TRIM44: variants seen among roughly 807,000 people sequenced by gnomAD.
The protein encoded by TRIM44 is tripartite motif containing 44.
A neutral mutation model predicts 37.4 loss-of-function variants in TRIM44; 13 were observed. That is an observed-to-expected ratio of 0.35 (90% confidence interval 0.23 to 0.55). The LOEUF (loss-of-function observed/expected upper bound fraction) is 0.55. TRIM44 is among the 20% of genes least tolerant of loss of function. The probability of loss-of-function intolerance (pLI) is 0.89; values close to 1 mark genes in which losing one functional copy is unlikely to be tolerated. For missense variants in TRIM44, 426 were observed against 437.2 expected, an observed-to-expected ratio of 0.97 and a Z score of 0.23; for synonymous variants, 175 against 157.2, an observed-to-expected ratio of 1.11 and a Z score of -0.85.
Position 35,747,139 on chromosome 11 carries a change from A to G in TRIM44, c.1007+11694A>G, listed in dbSNP as rs1243772340. Among the ~76,000 whole-genome samples, 5 of 152,268 alleles carry G rather than the reference A, an allele frequency of 3.3e-5. No individual in the cohort carries two copies. In the South Asian group the frequency reaches 8.3e-4, roughly 25 times the overall value. The stretch of plus-strand genomic sequence containing the variant: ...ACAGCTGCCATTTTCTCCCACCTGT[A>G]CAGGTATTATTGTCTCTCATACAAA... On this transcript the variant is annotated intron_variant, in intron 4 of 4. Coordinates refer to ENST00000299413, the MANE Select transcript of TRIM44 (RefSeq NM_017583.6).
chr11:35,779,911 G>T (rs1463249309), intron 4 of TRIM44, among the ~76,000 whole-genome samples: 6 of 149,576 alleles, frequency 4.0e-5, no homozygotes, highest in African/African-American at 1.2e-4. Flanking sequence ...AGATCAGATG[G>T]CTATAGGTGT....
intron 4 of TRIM44, among the ~76,000 whole-genome samples, chr11:35,786,887 A>G (rs1032913481): frequency 6.6e-6 from 1 of 152,082 alleles, no homozygotes; most frequent in Non-Finnish European, 1.5e-5. Context: ...TTTAGAACCA[A>G]CTTTGCTTTT....
rs1851282729 is a variant in TRIM44, at chr11:35,662,790, C to T, written c.-322C>T. On this transcript the variant is annotated 5_prime_UTR_variant, in exon 1 of 5. Transcript: ENST00000299413. ...CGCGGGGGCCGGCGGCTGCCGCGAT[C>T]TCTCCCTGGTAGCGGGAGGCTGAGC... The T allele has an allele frequency of 4.3e-6, 1 of 230,412 alleles. No individual in the cohort carries two copies. Among genetic ancestry groups the T allele is most frequent in the Non-Finnish European group, 8.3e-6 (1 of 120,112 alleles). 14.3% of individuals were successfully genotyped at this position (230,412 alleles called of 1,614,324 possible). A position where few individuals can be genotyped will look rare whatever the true frequency, so the allele number is the denominator to read the frequency against.
At chr11:35,785,322 G>T (rs1489166897) in intron 4 of TRIM44, among the ~76,000 whole-genome samples, 2 of 152,216 alleles carry the variant, frequency 1.3e-5, no homozygotes, top group East Asian at 3.8e-4. Context: ...CTCAGGGGTG[G>T]TGATTCAAAG....
chr11:35,765,645 A>G (rs1159126074), intron 4 of TRIM44, among the ~76,000 whole-genome samples: 2 of 152,190 alleles, frequency 1.3e-5, no homozygotes, highest in African/African-American at 4.8e-5. Flanking sequence ...TTTTGCCAGC[A>G]TTTATCCTTC....
intron 4 of TRIM44, among the ~76,000 whole-genome samples, chr11:35,760,168 T>G (rs1852703265): frequency 6.6e-6 from 1 of 152,214 alleles, no homozygotes; most frequent in Non-Finnish European, 1.5e-5. Flanking sequence ...GCCGCTTTGT[T>G]TACCTACTCA....
chr11:35,741,395 C>T (rs1377052574), intron 4 of TRIM44, among the ~76,000 whole-genome samples: 1 of 152,082 alleles, frequency 6.6e-6, no homozygotes, highest in Admixed American at 6.5e-5. Flanking sequence ...GAAATTTGCC[C>T]GTAAGAGTCA....
chr11:35,764,756 G>A (rs1321030063), intron 4 of TRIM44, among the ~76,000 whole-genome samples: 1 of 152,098 alleles, frequency 6.6e-6, no homozygotes, highest in Non-Finnish European at 1.5e-5. Context: ...CCATCAACCA[G>A]TATATGCTTG....
intron 4 of TRIM44, among the ~76,000 whole-genome samples, chr11:35,795,103 C>T (rs927847733): frequency 2.4e-4 from 37 of 152,108 alleles, no homozygotes; most frequent in African/African-American, 8.9e-4. Context: ...AAGCACAAGC[C>T]TTAAGGCACA....
intron 2 of TRIM44, among the ~76,000 whole-genome samples, chr11:35,723,825 A>T (rs1265385626): frequency 7.2e-5 from 11 of 152,200 alleles, no homozygotes; most frequent in Non-Finnish European, 1.6e-4. Context: ...TCCATCCCTT[A>T]GTGAAAAGGT....
At position 35,732,680 on chromosome 11, in the gene TRIM44, T is replaced by C. The variant is rs191978432; in HGVS notation, c.988-2746T>C. ...GGGAGAAAGGAGGAGGATTAACTTA[T>C]TCAAGATGTTAGTGAAGAAGTTTCG... On this transcript the variant is annotated intron_variant, in intron 3 of 4. Coordinates refer to ENST00000299413, the MANE Select transcript of TRIM44 (RefSeq NM_017583.6). Among the ~76,000 whole-genome samples the C allele has an allele frequency of 7.9e-5, 12 of 152,282 alleles. No individual in the cohort carries two copies. The East Asian group carries it at 1.9e-3, about 24-fold the overall frequency.
chr11:35,738,587 CCA>C (rs1852354517), intron 4 of TRIM44, among the ~76,000 whole-genome samples: 1 of 152,156 alleles, frequency 6.6e-6, no homozygotes, highest in African/African-American at 2.4e-5. Flanking sequence ...TATTAAACTA[CCA>C]TTTGGCTCAA....
At chr11:35,767,152 G>A (rs1215846812) in intron 4 of TRIM44, among the ~76,000 whole-genome samples, 2 of 152,178 alleles carry the variant, frequency 1.3e-5, no homozygotes, top group African/African-American at 4.8e-5. Flanking sequence ...ATCAATGTGT[G>A]TGTGTCAGTA....
chr11:35,725,041 G>A (rs1590544493), intron 2 of TRIM44, among the ~76,000 whole-genome samples: 1 of 147,334 alleles, frequency 6.8e-6, no homozygotes, highest in Non-Finnish European at 1.5e-5. Flanking sequence ...AGAGAGGAAT[G>A]GTTAACTAGG....
chr11:35,762,131 T>G (rs1231689531), intron 4 of TRIM44, among the ~76,000 whole-genome samples: 1 of 152,226 alleles, frequency 6.6e-6, no homozygotes, highest in South Asian at 2.1e-4. Context: ...CCGTGCAGGC[T>G]GCTCTCTGGA....
intron 2 of TRIM44, among the ~76,000 whole-genome samples, chr11:35,710,604 G>A (rs1208513002): frequency 1.3e-5 from 2 of 152,116 alleles, no homozygotes; most frequent in Non-Finnish European, 2.9e-5. Flanking sequence ...AGTAAACAAA[G>A]GTAAAGTTTA....
chr11:35,740,142 A>AT (rs57692958), intron 4 of TRIM44, among the ~76,000 whole-genome samples: 2,979 of 126,750 alleles, frequency 0.024, 58 homozygotes, highest in African/African-American at 0.052. Context: ...GCCCAGAGTG[A>AT]TTTTTTTTTT....
intron 3 of TRIM44, among the ~76,000 whole-genome samples, chr11:35,731,224 TA>T (rs1486248825): frequency 1.3e-5 from 2 of 152,210 alleles, no homozygotes; most frequent in African/African-American, 4.8e-5. Flanking sequence ...ATGTTTTTTG[TA>T]GATGCCTTTT....
chr11:35,741,927 A>G (rs1852402272), intron 4 of TRIM44, among the ~76,000 whole-genome samples: 1 of 152,098 alleles, frequency 6.6e-6, no homozygotes, highest in African/African-American at 2.4e-5. Flanking sequence ...AATTTTATCT[A>G]TCTATCTATT....
Sources: gnomAD v4.1 joint callset for allele counts (sites outside exome capture counted in the v4.1 genomes callset) on GRCh38, gnomAD v4.1.1 for gene constraint, MANE v1.5 for transcripts, NCBI Gene and HGNC (gene_info 2026-07-23, HGNC 2026-07-21) for gene names.